Variants in STAU2 observed in about 807,000 individuals in gnomAD.
STAU2 encodes double-stranded RNA-binding protein Staufen homolog 2.
STAU2 carries 20 observed loss-of-function variants against 65.9 expected under a neutral mutation model. The ratio of observed to expected loss-of-function variants is 0.30; its 90% CI spans 0.21 to 0.44. The LOEUF is 0.44. Among genes scored for constraint, STAU2 ranks in the 20% least tolerant of loss-of-function variants. STAU2 has a pLI of 1.00. For missense variants in STAU2, 558 were observed against 683.9 expected, an observed-to-expected ratio of 0.82 and a Z score of 2.05; for synonymous variants, 232 against 233.9, an observed-to-expected ratio of 0.99 and a Z score of 0.07.
Position 73,498,188 on chromosome 8 carries a change from A to G in STAU2, c.1530+53824T>C, listed in dbSNP as rs116983989. 8.4e-4 allele frequency among the ~76,000 whole-genome samples: 127 copies of G among 151,962 alleles called. 2 individuals are homozygous for G. In the East Asian group the frequency reaches 0.023, roughly 28 times the overall value. On this transcript the variant is annotated intron_variant, in intron 13 of 14. Transcript: ENST00000524300. ...GGGGAAAAAGGTAAACATTATTGCT[A>G]TGCTGTAGTCACCTATAATTCCTCC...
At chr8:73,562,391 T>G (rs979153197) in intron 12 of STAU2, among the ~76,000 whole-genome samples, 2 of 152,110 alleles carry the variant, frequency 1.3e-5, no homozygotes, top group Admixed American at 6.5e-5. Flanking sequence ...GAGGCTGAGG[T>G]AGGAGGATCC....
chr8:73,479,237 T>A (rs543598702), intron 13 of STAU2, among the ~76,000 whole-genome samples: 1 of 152,146 alleles, frequency 6.6e-6, no homozygotes, highest in African/African-American at 2.4e-5. Context: ...AATTCCTTAA[T>A]ACCATCAAAC....
chr8:73,447,864 A>G (rs1818560255), intron 13 of STAU2, among the ~76,000 whole-genome samples: 1 of 152,188 alleles, frequency 6.6e-6, no homozygotes, highest in Non-Finnish European at 1.5e-5. Flanking sequence ...ATCTAACATG[A>G]GAGGATCTAT....
intron 13 of STAU2, among the ~76,000 whole-genome samples, chr8:73,465,268 G>T (rs912119763): frequency 2.0e-5 from 3 of 152,110 alleles, no homozygotes; most frequent in Admixed American, 6.5e-5. Flanking sequence ...TTTCTTTTGG[G>T]TGCCTATTTT....
At chr8:73,656,782 C>G (rs1211153798) in intron 6 of STAU2, among the ~76,000 whole-genome samples, 1 of 152,188 alleles carries the variant, frequency 6.6e-6, no homozygotes, top group Non-Finnish European at 1.5e-5. Flanking sequence ...TATTTCTCAA[C>G]TCAAATACAT....
At chr8:73,625,500 C>A (rs1206551725) in intron 6 of STAU2, among the ~76,000 whole-genome samples, 1 of 152,084 alleles carries the variant, frequency 6.6e-6, no homozygotes, top group Non-Finnish European at 1.5e-5. Context: ...CCAGAATAGG[C>A]AAACCCATAG....
intron 6 of STAU2, among the ~76,000 whole-genome samples, chr8:73,623,479 T>A (rs941661602): frequency 6.6e-6 from 1 of 152,176 alleles, no homozygotes; most frequent in Non-Finnish European, 1.5e-5. Context: ...CAGACTTACA[T>A]CTTAAAATAT....
intron 3 of STAU2, chr8:73,728,028 GC>G (rs1288114431): frequency 6.6e-6 from 1 of 152,068 alleles, no homozygotes; most frequent in East Asian, 1.9e-4. Flanking sequence ...CAAGTCCTTT[GC>G]CCATTTTTTA....
At chr8:73,687,061 T>A in intron 5 of STAU2, among the ~76,000 whole-genome samples, 1 of 148,326 alleles carries the variant, frequency 6.7e-6, no homozygotes, top group East Asian at 2.0e-4. Flanking sequence ...CCCAGCCAAT[T>A]TTTGTATTTT....
chr8:73,472,312 G>A (rs1269813324), intron 13 of STAU2, among the ~76,000 whole-genome samples: 2 of 152,206 alleles, frequency 1.3e-5, no homozygotes, highest in African/African-American at 4.8e-5. Flanking sequence ...ATTATACATG[G>A]TAACTGAGGG....
At chr8:73,672,002 G>A (rs566699329) in intron 6 of STAU2, among the ~76,000 whole-genome samples, 1 of 152,086 alleles carries the variant, frequency 6.6e-6, no homozygotes, top group Admixed American at 6.5e-5. Flanking sequence ...TCCAGCCTGG[G>A]TGACAGAGTG....
At chr8:73,512,443 C>T (rs1180211242) in intron 13 of STAU2, among the ~76,000 whole-genome samples, 1 of 152,098 alleles carries the variant, frequency 6.6e-6, no homozygotes, top group Non-Finnish European at 1.5e-5. Context: ...TTATAGTTTT[C>T]CATGTGCAAA....
intron 5 of STAU2, among the ~76,000 whole-genome samples, chr8:73,674,144 ACTT>A (rs1464070053): frequency 6.2e-5 from 9 of 144,938 alleles, no homozygotes; most frequent in Admixed American, 1.4e-4. Context: ...AAAAAAAAAA[ACTT>A]ACTTAGGAAT....
chr8:73,434,758 C>G (rs1173731649), intron 13 of STAU2, among the ~76,000 whole-genome samples: 1 of 150,078 alleles, frequency 6.7e-6, no homozygotes, highest in African/African-American at 2.5e-5. Flanking sequence ...CACTCCCTTT[C>G]TCACTCCATA....
At chr8:73,701,783 A>G (rs1820122119) in intron 4 of STAU2, among the ~76,000 whole-genome samples, 1 of 152,184 alleles carries the variant, frequency 6.6e-6, no homozygotes, top group African/African-American at 2.4e-5. Flanking sequence ...CTACACTCCC[A>G]TGTTTTTTAG....
At chr8:73,615,044 C>T (rs967010647) in intron 8 of STAU2, among the ~76,000 whole-genome samples, 4 of 152,114 alleles carry the variant, frequency 2.6e-5, no homozygotes, top group Admixed American at 2.6e-4. Context: ...GAAGAATCTC[C>T]ACAACTCTTT....
chr8:73,704,436 T>C (rs1002324444), intron 4 of STAU2, among the ~76,000 whole-genome samples: 4 of 152,202 alleles, frequency 2.6e-5, no homozygotes, highest in Non-Finnish European at 5.9e-5. Flanking sequence ...ACAGACCATG[T>C]ATTACATAAT....
At chr8:73,457,544 CA>C (rs1423351749) in intron 13 of STAU2, among the ~76,000 whole-genome samples, 1 of 152,150 alleles carries the variant, frequency 6.6e-6, no homozygotes, top group Non-Finnish European at 1.5e-5. Flanking sequence ...AGATTTGGTA[CA>C]AAAAAGATAT....
At position 73,746,810 on chromosome 8, in the gene STAU2, G is replaced by C. The variant is rs1807323269; in HGVS notation, c.-224C>G. 1.6e-6 allele frequency: 2 copies of C among 1,231,166 alleles called. No homozygotes were observed. Among genetic ancestry groups the C allele is most frequent in the Non-Finnish European group, 2.0e-6 (2 of 986,450 alleles). The allele number at this position is 1,231,166 out of a possible 1,614,324, so 76.3% of individuals were successfully genotyped here. A position where few individuals can be genotyped will look rare whatever the true frequency, so the allele number is the denominator to read the frequency against. Reference sequence around the variant, plus strand: ...TCTTGCCGGGGACACTTTGCAGACGGCTCCAACATTGGCAAACACTACAGA... The same window carrying C: ...TCTTGCCGGGGACACTTTGCAGACGCCTCCAACATTGGCAAACACTACAGA... On this transcript the variant is annotated 5_prime_UTR_variant, in exon 1 of 15. Coordinates refer to ENST00000524300, the MANE Select transcript of STAU2 (RefSeq NM_001164380.2).
Sources: gnomAD v4.1 joint callset for allele counts (sites outside exome capture counted in the v4.1 genomes callset) on GRCh38, gnomAD v4.1.1 for gene constraint, MANE v1.5 for transcripts, NCBI Gene and HGNC (gene_info 2026-07-23, HGNC 2026-07-21) for gene names.